FGF1: variants seen among roughly 807,000 people sequenced by gnomAD.
FGF1 encodes beta-endothelial cell growth factor.
Under a neutral mutation model 13.4 loss-of-function variants are expected in FGF1, and 9 were observed. The ratio of observed to expected loss-of-function variants is 0.67; its 90% confidence interval spans 0.40 to 1.17. FGF1 has a LOEUF of 1.17. Among genes scored for constraint, FGF1 ranks in the 50% most tolerant of loss-of-function variants. The probability of loss-of-function intolerance (pLI) is 0.01; values close to 1 mark genes in which losing one functional copy is unlikely to be tolerated. For synonymous variants in FGF1, 93 were observed against 79.0 expected (o/e 1.18, Z -0.94); for missense variants, 156 against 192.7 (o/e 0.81, Z 1.13).
At chr5:142,601,604 G>C (rs1357902431) in intron 2 of FGF1, among the ~76,000 whole-genome samples, 1 of 152,038 alleles carries the variant, frequency 6.6e-6, no homozygotes, top group Admixed American at 6.5e-5. Context: ...GACAGTTTCT[G>C]TTGTCACAGC....
At chr5:142,661,232 T>C (rs781113032) in intron 1 of FGF1, among the ~76,000 whole-genome samples, 1 of 152,188 alleles carries the variant, frequency 6.6e-6, no homozygotes, top group Non-Finnish European at 1.5e-5. Flanking sequence ...TGTTCTCATC[T>C]CCACCTGAAA....
At chr5:142,677,811 C>G (rs987479174) in intron 1 of FGF1, among the ~76,000 whole-genome samples, 1 of 152,174 alleles carries the variant, frequency 6.6e-6, no homozygotes, top group Non-Finnish European at 1.5e-5. Context: ...AGGTCTTATT[C>G]CTGCCTTCAT....
intron 2 of FGF1, among the ~76,000 whole-genome samples, chr5:142,693,130 T>G (rs938834871): frequency 6.6e-6 from 1 of 152,134 alleles, no homozygotes; most frequent in Non-Finnish European, 1.5e-5. Context: ...TTTCCATCTA[T>G]CTTCTTCTCA....
chr5:142,610,494 C>T (rs768580126), intron 2 of FGF1, among the ~76,000 whole-genome samples: 13 of 152,164 alleles, frequency 8.5e-5, no homozygotes, highest in Non-Finnish European at 1.3e-4. Flanking sequence ...TGGCCATCTT[C>T]CCCTGGACCT....
intron 2 of FGF1, among the ~76,000 whole-genome samples, chr5:142,695,111 G>A (rs550956836): frequency 6.6e-6 from 1 of 152,256 alleles, no homozygotes; most frequent in East Asian, 1.9e-4. Flanking sequence ...GTATAATTTA[G>A]GATAAGTAAC....
intron 1 of FGF1, 108 bp from the exon 2 acceptor site, chr5:142,614,269 T>C: frequency 1.2e-6 from 1 of 811,438 alleles, no homozygotes; most frequent in South Asian, 1.8e-5. Context: ...GGGTAGTGAG[T>C]AAGCACAGCC....
rs1597231652 is a variant in FGF1, at chr5:142,632,839, G to A, written c.-34-18678C>T. Reference sequence around the variant, plus strand: ...TTCACTTGTAATGGTTGTAATGGTTGTAATGGTTGCACAGGAGTCCACAAT... The same window carrying A: ...TTCACTTGTAATGGTTGTAATGGTTATAATGGTTGCACAGGAGTCCACAAT... On this transcript the variant is annotated intron_variant, in intron 1 of 3. Coordinates refer to ENST00000337706, the MANE Select transcript of FGF1 (RefSeq NM_000800.5). Among the ~76,000 whole-genome samples the A allele has an allele frequency of 2.0e-5, 3 of 152,078 alleles. No individual in the cohort carries two copies. In the South Asian group the frequency reaches 6.2e-4, roughly 32 times the overall value.
rs149969818 is a variant in FGF1 at position 142,599,303 on chromosome 5, A to G, written c.273+1399T>C. The stretch of plus-strand genomic sequence containing the variant: ...AGGTGATCTGTACTGAGCACATAGC[A>G]TTTTAGAGGTTACCTATTACGCTGA... On this transcript the variant is annotated intron_variant, in intron 3 of 3. Coordinates refer to ENST00000337706, the MANE Select transcript of FGF1 (RefSeq NM_000800.5). Among the ~76,000 whole-genome samples, 268 of 152,320 alleles carry G rather than the reference A, an allele frequency of 1.8e-3. 1 individual carries two copies. The highest frequency in any genetic ancestry group is 6.2e-3 in the African/African-American group (259 of 41,574).
chr5:142,618,492 G>A (rs976858818), intron 1 of FGF1, among the ~76,000 whole-genome samples: 1 of 152,196 alleles, frequency 6.6e-6, no homozygotes, highest in Non-Finnish European at 1.5e-5. Flanking sequence ...ACCTATAGGA[G>A]ATAATAGTAA....
upstream of FGF1, among the ~76,000 whole-genome samples, chr5:142,689,931 G>A (rs925360184): frequency 6.7e-5 from 10 of 150,114 alleles, no homozygotes; most frequent in Non-Finnish European, 1.5e-4. Flanking sequence ...TCGATCTCCT[G>A]ATCTCGTGAT....
At chr5:142,669,507 C>T (rs1771038141) in intron 1 of FGF1, among the ~76,000 whole-genome samples, 1 of 151,942 alleles carries the variant, frequency 6.6e-6, no homozygotes, top group Non-Finnish European at 1.5e-5. Flanking sequence ...CAAAGACACT[C>T]CAGGAGAAGA....
rs552855079 is a variant in FGF1, at chr5:142,650,234, G to C, written c.-35+35723C>G. Among the ~76,000 whole-genome samples, 4 of 152,308 alleles carry C rather than the reference G, an allele frequency of 2.6e-5. No homozygotes were observed. In the South Asian group the frequency reaches 8.3e-4, roughly 32 times the overall value. ...TTGACTGACTGCTCTTCTATGCCAG[G>C]CACCATGCTAGGGCGTGACATTTGT... On this transcript the variant is annotated intron_variant, in intron 1 of 3. Coordinates refer to ENST00000337706, the MANE Select transcript of FGF1 (RefSeq NM_000800.5).
chr5:142,654,017 G>A (rs559717679), intron 1 of FGF1, among the ~76,000 whole-genome samples: 4 of 152,300 alleles, frequency 2.6e-5, no homozygotes, highest in African/African-American at 9.6e-5. Context: ...GCTTGAACCT[G>A]GGAGGCAGAG....
intron 1 of FGF1, among the ~76,000 whole-genome samples, chr5:142,646,689 T>C (rs1214017409): frequency 6.6e-6 from 1 of 152,112 alleles, no homozygotes; most frequent in Non-Finnish European, 1.5e-5. Context: ...AGACGAGGTT[T>C]CACCATCTTG....
chr5:142,663,603 A>G (rs923658534), intron 1 of FGF1, among the ~76,000 whole-genome samples: 1 of 152,246 alleles, frequency 6.6e-6, no homozygotes, highest in African/African-American at 2.4e-5. Flanking sequence ...TGAGAAACCA[A>G]GAGAAGCCAG....
Position 142,594,347 on chromosome 5 carries a change from G to A in FGF1, c.*943C>T, listed in dbSNP as rs1192735012. Reference sequence around the variant, plus strand: ...CCAGATGATCTGCAAGCACTTCAGTGTTGGAGAAGCACTGGGCTAGGACCC... The same window carrying A: ...CCAGATGATCTGCAAGCACTTCAGTATTGGAGAAGCACTGGGCTAGGACCC... On this transcript the variant is annotated 3_prime_UTR_variant, in exon 4 of 4. Transcript: ENST00000337706. 6.6e-6 allele frequency: 1 copy of A among 152,250 alleles called. No individual in the cohort carries two copies. Among genetic ancestry groups the A allele is most frequent in the Non-Finnish European group, 1.5e-5 (1 of 68,062 alleles). 9.4% of individuals were successfully genotyped at this position (152,250 alleles called of 1,614,324 possible).
chr5:142,658,126 G>A (rs545048714), intron 1 of FGF1, among the ~76,000 whole-genome samples: 6 of 152,300 alleles, frequency 3.9e-5, no homozygotes, highest in African/African-American at 1.4e-4. Flanking sequence ...TAATGACAGT[G>A]CAGTGGTTAC....
At chr5:142,649,407 A>G (rs1178072675) in intron 1 of FGF1, among the ~76,000 whole-genome samples, 1 of 149,170 alleles carries the variant, frequency 6.7e-6, no homozygotes, top group African/African-American at 2.6e-5. Flanking sequence ...CTAGGGGTGG[A>G]CATTGTTTTT....
chr5:142,665,829 G>A (rs917734640), intron 1 of FGF1, among the ~76,000 whole-genome samples: 5 of 152,118 alleles, frequency 3.3e-5, no homozygotes, highest in African/African-American at 1.2e-4. Flanking sequence ...TTTCCTTTGG[G>A]GAGGCTGGAG....
Sources: gnomAD v4.1 joint callset for allele counts (sites outside exome capture counted in the v4.1 genomes callset) on GRCh38, gnomAD v4.1.1 for gene constraint, MANE v1.5 for transcripts, NCBI Gene and HGNC (gene_info 2026-07-23, HGNC 2026-07-21) for gene names.